Variants in MMAA observed in about 807,000 individuals in gnomAD.
The protein encoded by MMAA is methylmalonic aciduria type A protein, mitochondrial.
In MMAA, 41 loss-of-function variants were observed where a neutral mutation model predicts 45.0. The ratio of observed to expected loss-of-function variants is 0.91; its 90% CI spans 0.71 to 1.18. The LOEUF (loss-of-function observed/expected upper bound fraction) is 1.18. Among genes scored for constraint, MMAA ranks in the 50% most tolerant of loss-of-function variants. The pLI is 0.00. For synonymous variants in MMAA, 154 were observed against 178.2 expected (o/e 0.86, Z 1.08); for missense variants, 460 against 495.7 (o/e 0.93, Z 0.68).
At chr4:145,630,560 C>G (rs1042154038) in intron 1 of MMAA, among the ~76,000 whole-genome samples, 5 of 152,148 alleles carry the variant, frequency 3.3e-5, no homozygotes, top group South Asian at 2.1e-4. Context: ...GAAACCCCAT[C>G]TCTACTAAAA....
rs751080456 is a variant in MMAA at position 145,655,215 on chromosome 4, G to A, written c.1038G>A (p.Gln346=). Residue 346 remains glutamine (Q), a synonymous_variant, in exon 7 of 7, where the codon CAG becomes CAA. Transcript: ENST00000649156. ...TGTGGGATAAAATGAAAGATTTCCA[G>A]GACCTAATGCTTGCCAGTGGGGAGC... is the stretch of plus-strand genomic sequence containing the variant. ...SEMWDKMKDF[Q]DLMLASGELT... 3.1e-6 allele frequency: 5 copies of A among 1,614,178 alleles called. No individual in the cohort carries two copies. The South Asian group carries it at 4.4e-5, about 14-fold the overall frequency.
intron 3 of MMAA, 163 bp downstream of exon 3, chr4:145,642,648 T>C: frequency 2.0e-6 from 2 of 1,014,668 alleles, no homozygotes; most frequent in Non-Finnish European, 3.0e-6. Context: ...AGAAGTAGTT[T>C]GGGAGTGTTG....
intron 1 of MMAA, among the ~76,000 whole-genome samples, chr4:145,633,199 T>TC (rs1397007712): frequency 7.0e-6 from 1 of 142,916 alleles, no homozygotes; most frequent in African/African-American, 2.7e-5. Flanking sequence ...TCTTTTTCTT[T>TC]TTTTTTTTTT....
intron 2 of MMAA, among the ~76,000 whole-genome samples, chr4:145,640,458 C>A (rs2126618263): frequency 6.6e-6 from 1 of 152,180 alleles, no homozygotes; most frequent in East Asian, 1.9e-4. Context: ...CAGTGGTGAT[C>A]ATAGCTCTGA....
In MMAA at chr4:145,659,732, T is replaced by C. The variant is rs1201471805; in HGVS notation, c.*4298T>C. On this transcript the variant is annotated 3_prime_UTR_variant, in exon 7 of 7. Coordinates refer to ENST00000649156, the MANE Select transcript of MMAA (RefSeq NM_172250.3). ...GGGCACAATTTGATGTTTCAATACA[T>C]GTATATGTTGTGTAATGATCAAATC... 2 of 152,362 alleles carry C rather than the reference T, an allele frequency of 1.3e-5. No homozygotes were observed. Among genetic ancestry groups the C allele is most frequent in the Admixed American group, 1.3e-4 (2 of 15,308 alleles). 9.4% of individuals were successfully genotyped at this position (152,362 alleles called of 1,614,324 possible). A position where few individuals can be genotyped will look rare whatever the true frequency, so the allele number is the denominator to read the frequency against.
chr4:145,625,880 A>T (rs1734194650), intron 1 of MMAA: 1 of 1,463,754 alleles, frequency 6.8e-7, no homozygotes, highest in South Asian at 1.2e-5. Flanking sequence ...TGCAACTGTG[A>T]ATCTGAGCTT....
intron 1 of MMAA, chr4:145,625,475 G>A (rs958776424): frequency 1.4e-6 from 1 of 717,600 alleles, no homozygotes; most frequent in Admixed American, 1.8e-5. Context: ...CTTCTGCTCT[G>A]GCATAGGGAT....
intron 1 of MMAA, chr4:145,624,189 C>T: frequency 2.3e-6 from 2 of 873,736 alleles, no homozygotes; most frequent in South Asian, 2.6e-5. Context: ...GATATAACCA[C>T]TTCTTTTTAT....
intron 1 of MMAA, among the ~76,000 whole-genome samples, chr4:145,628,146 T>C (rs1734242403): frequency 6.6e-6 from 1 of 152,168 alleles, no homozygotes; most frequent in Non-Finnish European, 1.5e-5. Flanking sequence ...ATGGCAAAGA[T>C]AATAATTAAA....
At chr4:145,620,755 T>A (rs1171620662) in intron 1 of MMAA, among the ~76,000 whole-genome samples, 1 of 152,114 alleles carries the variant, frequency 6.6e-6, no homozygotes, top group Non-Finnish European at 1.5e-5. Context: ...TCCTAGAGAC[T>A]GGGATGGTCA....
intron 1 of MMAA, chr4:145,624,283 A>T (rs967547347): frequency 2.5e-6 from 2 of 796,206 alleles, no homozygotes; most frequent in African/African-American, 3.4e-5. Flanking sequence ...TTCCTCCTGT[A>T]GAGGTGAATT....
At chr4:145,639,878 C>G in intron 2 of MMAA, 1 of 963,842 alleles carries the variant, frequency 1.0e-6, no homozygotes, top group Non-Finnish European at 1.2e-6. Context: ...TGAGTTTACT[C>G]CTTTTTCTTT....
At chr4:145,628,969 C>CT (rs1734263384) in intron 1 of MMAA, among the ~76,000 whole-genome samples, 1 of 152,024 alleles carries the variant, frequency 6.6e-6, no homozygotes, top group Non-Finnish European at 1.5e-5. Flanking sequence ...ATCTTGAATC[C>CT]TTTTTTTAGT....
chr4:145,655,259 A>G lies in MMAA; in HGVS notation c.1082A>G (p.Lys361Arg), dbSNP rs1260481972. ...GGGGAGCTGACTGCCAAACGACGGA[A>G]GCAACAGAAAGTTTGGATGTGGAAT... ...ASGELTAKRRKQQKVWMWNLI... is the reference protein window; with the variant it reads ...ASGELTAKRRRQQKVWMWNLI... Residue 361 changes from lysine (K) to arginine (R), a missense_variant, in exon 7 of 7, where the codon AAG (lysine) becomes AGG (arginine). Coordinates refer to ENST00000649156, the MANE Select transcript of MMAA (RefSeq NM_172250.3). The G allele has an allele frequency of 1.2e-6, 2 of 1,614,200 alleles. No individual in the cohort carries two copies. The highest frequency in any genetic ancestry group is 2.2e-5 in the South Asian group (2 of 91,088).
intron 1 of MMAA, among the ~76,000 whole-genome samples, chr4:145,638,439 A>G (rs1425442358): frequency 6.6e-6 from 1 of 152,222 alleles, no homozygotes; most frequent in Middle Eastern, 3.2e-3. Context: ...GATTCTGATT[A>G]GTGGGGCTGG....
At position 145,656,118 on chromosome 4, in the gene MMAA, G is replaced by A. The variant is rs1728222798; in HGVS notation, c.*684G>A. On this transcript the variant is annotated 3_prime_UTR_variant, in exon 7 of 7. Transcript: ENST00000649156. ...CCCAGTTCTTGGACCCATTATATTT[G>A]TAGCCAATTGGAGTAAACCCCTAAA... 1 of 152,180 alleles carries A rather than the reference G, an allele frequency of 6.6e-6. No homozygotes were observed. The highest frequency in any genetic ancestry group is 1.5e-5 in the Non-Finnish European group (1 of 68,036). 9.4% of individuals were successfully genotyped at this position (152,180 alleles called of 1,614,324 possible). A position where few individuals can be genotyped will look rare whatever the true frequency, so the allele number is the denominator to read the frequency against.
intron 6 of MMAA, 50 bp from the exon 7 acceptor site, chr4:145,655,096 AT>A: frequency 5.6e-6 from 9 of 1,608,910 alleles, no homozygotes; most frequent in Non-Finnish European, 7.6e-6. Flanking sequence ...CCCTGTAAAA[AT>A]TTTTTCTATC....
At chr4:145,632,726 G>A (rs1044368206) in intron 1 of MMAA, among the ~76,000 whole-genome samples, 11 of 149,760 alleles carry the variant, frequency 7.3e-5, no homozygotes, top group African/African-American at 2.7e-4. Context: ...CCCTCACTGT[G>A]TATTTTCAAA....
At chr4:145,648,976 G>GA (rs140461214) in intron 4 of MMAA, among the ~76,000 whole-genome samples, 2,394 of 151,868 alleles carry the variant, frequency 0.016, 32 homozygotes, top group Non-Finnish European at 0.025. Context: ...GACAGAGTGA[G>GA]ACTCTGTCTC....
Sources: allele counts gnomAD v4.1 joint callset (sites outside exome capture counted in the v4.1 genomes callset), GRCh38; gene constraint gnomAD v4.1.1; transcripts MANE v1.5; gene names NCBI Gene and HGNC (gene_info 2026-07-23, HGNC 2026-07-21).